THSD7B: variants seen among roughly 807,000 people sequenced by gnomAD.
THSD7B encodes thrombospondin type-1 domain-containing protein 7B.
A neutral mutation model predicts 213.6 loss-of-function variants in THSD7B; 138 were observed. The observed-to-expected ratio is 0.65, with a 90% CI of 0.56 to 0.74. The LOEUF is 0.74. Among genes scored for constraint, THSD7B ranks in the 30% least tolerant of loss-of-function variants. The probability of loss-of-function intolerance (pLI) is 0.00; values close to 1 mark genes in which losing one functional copy is unlikely to be tolerated. For missense variants in THSD7B, 1,931 were observed against 1,991.5 expected, an observed-to-expected ratio of 0.97 and a Z score of 0.58; for synonymous variants, 742 against 687.0, an observed-to-expected ratio of 1.08 and a Z score of -1.25.
chr2:136,961,014 G>A lies in THSD7B; in HGVS notation c.139+78697G>A, dbSNP rs558997092. 7.6e-5 allele frequency among the ~76,000 whole-genome samples: 11 copies of A among 144,472 alleles called. No homozygotes were observed. The East Asian group carries it at 1.1e-3, about 14-fold the overall frequency. 94.8% of individuals were successfully genotyped at this position (144,472 alleles called of 152,430 possible). ...TGAGGTAGAAGAATGGCGTGAACCCGGGAGATGGAGCTTGCAGTGAGCCAA... is the reference window on the plus strand; with the variant it reads ...TGAGGTAGAAGAATGGCGTGAACCCAGGAGATGGAGCTTGCAGTGAGCCAA... On this transcript the variant is annotated intron_variant, in intron 2 of 27. Transcript: ENST00000409968.
At chr2:136,965,331 A>G (rs939801627) in intron 2 of THSD7B, among the ~76,000 whole-genome samples, 1 of 152,202 alleles carries the variant, frequency 6.6e-6, no homozygotes, top group Admixed American at 6.5e-5. Context: ...AACAAATAAC[A>G]CATATGGTGA....
At chr2:137,192,864 A>G (rs545270701) in intron 7 of THSD7B, among the ~76,000 whole-genome samples, 1 of 152,302 alleles carries the variant, frequency 6.6e-6, no homozygotes, top group South Asian at 2.1e-4. Context: ...AGCCATAGGA[A>G]ATGCTGAGTG....
intron 15 of THSD7B, among the ~76,000 whole-genome samples, chr2:137,455,146 A>G (rs745702824): frequency 1.3e-5 from 2 of 152,150 alleles, no homozygotes; most frequent in Non-Finnish European, 2.9e-5. Flanking sequence ...CTACTTTTGC[A>G]ACTCATTCCA....
chr2:136,783,880 T>A (rs976086014), intron 1 of THSD7B, among the ~76,000 whole-genome samples: 3 of 152,230 alleles, frequency 2.0e-5, no homozygotes, highest in Non-Finnish European at 4.4e-5. Flanking sequence ...TGAATCAGTT[T>A]GTGAGAGTCT....
At chr2:137,472,684 C>T (rs1558807880) in intron 15 of THSD7B, among the ~76,000 whole-genome samples, 1 of 152,120 alleles carries the variant, frequency 6.6e-6, no homozygotes, top group Non-Finnish European at 1.5e-5. Flanking sequence ...TTATAGTAGA[C>T]CATTTAGGTA....
At chr2:137,477,407 T>C (rs1688215922) in intron 15 of THSD7B, among the ~76,000 whole-genome samples, 1 of 152,138 alleles carries the variant, frequency 6.6e-6, no homozygotes, top group Non-Finnish European at 1.5e-5. Flanking sequence ...ACAGGTAACA[T>C]GAATTTCTTA....
intron 1 of THSD7B, among the ~76,000 whole-genome samples, chr2:136,785,083 C>T (rs574728082): frequency 2.0e-5 from 3 of 152,276 alleles, no homozygotes; most frequent in African/African-American, 7.2e-5. Flanking sequence ...GCTTCTGGCC[C>T]GCAGGAGTCT....
chr2:137,508,402 A>C (rs1271715340), intron 15 of THSD7B, among the ~76,000 whole-genome samples: 2 of 131,364 alleles, frequency 1.5e-5, no homozygotes, highest in African/African-American at 6.0e-5. Context: ...TTTTTGAGAC[A>C]GTCTCGCTGT....
chr2:137,336,821 A>G (rs1684648966), intron 12 of THSD7B, among the ~76,000 whole-genome samples: 1 of 152,156 alleles, frequency 6.6e-6, no homozygotes, highest in South Asian at 2.1e-4. Context: ...AAAGTATTCA[A>G]AAATAAGCAT....
At chr2:137,020,584 T>C (rs1389974179) in intron 2 of THSD7B, among the ~76,000 whole-genome samples, 1 of 152,164 alleles carries the variant, frequency 6.6e-6, no homozygotes, top group Non-Finnish European at 1.5e-5. Context: ...ATAGCAGTTA[T>C]GGCAGAGAGG....
intron 2 of THSD7B, among the ~76,000 whole-genome samples, chr2:137,008,422 T>A (rs779172457): frequency 6.6e-6 from 1 of 152,156 alleles, no homozygotes; most frequent in Non-Finnish European, 1.5e-5. Context: ...AAGGGTGCAT[T>A]GTGTCTTTAG....
chr2:137,505,566 G>A (rs1172338409), intron 15 of THSD7B, among the ~76,000 whole-genome samples: 2 of 152,218 alleles, frequency 1.3e-5, no homozygotes, highest in African/African-American at 4.8e-5. Flanking sequence ...TGTGCCACGT[G>A]ATCATGCCTG....
intron 15 of THSD7B, among the ~76,000 whole-genome samples, chr2:137,523,297 A>G (rs995108125): frequency 6.6e-6 from 1 of 152,166 alleles, no homozygotes; most frequent in Non-Finnish European, 1.5e-5. Context: ...TGCAATTTTC[A>G]CATTTCCAAG....
At chr2:137,029,776 T>G (rs1340317158) in intron 2 of THSD7B, among the ~76,000 whole-genome samples, 1 of 152,182 alleles carries the variant, frequency 6.6e-6, no homozygotes, top group Admixed American at 6.5e-5. Flanking sequence ...TATATCATTA[T>G]GCCGTGATTT....
chr2:137,663,971 C>T (rs1573774613), intron 26 of THSD7B, among the ~76,000 whole-genome samples: 1 of 152,188 alleles, frequency 6.6e-6, no homozygotes, highest in Admixed American at 6.5e-5. Context: ...CCTGCCATAG[C>T]CTCCAGAGTA....
At chr2:137,373,045 G>A (rs55932716) in intron 12 of THSD7B, among the ~76,000 whole-genome samples, 35,283 of 151,648 alleles carry the variant, frequency 0.23, 4,598 homozygotes, top group South Asian at 0.3. Context: ...TTTTATGGCT[G>A]CATAGTATTC....
chr2:137,608,457 C>G (rs895526649), intron 17 of THSD7B, among the ~76,000 whole-genome samples: 2 of 151,998 alleles, frequency 1.3e-5, no homozygotes, highest in Non-Finnish European at 2.9e-5. Context: ...CAAATTAGAC[C>G]TCCCAGATTG....
At chr2:136,818,992 ACCACTGCCTTT>A (rs1200959955) in intron 1 of THSD7B, among the ~76,000 whole-genome samples, 1 of 152,214 alleles carries the variant, frequency 6.6e-6, no homozygotes, top group Non-Finnish European at 1.5e-5. Flanking sequence ...GAACATGAAA[ACCACTGCCTTT>A]ACTCTTTCAA....
chr2:137,490,766 T>G (rs902582158), intron 15 of THSD7B, among the ~76,000 whole-genome samples: 1 of 152,216 alleles, frequency 6.6e-6, no homozygotes, highest in Non-Finnish European at 1.5e-5. Flanking sequence ...TACTAGGGTC[T>G]GAGGGTCCCA....
Sources: gnomAD v4.1 joint callset for allele counts (sites outside exome capture counted in the v4.1 genomes callset) on GRCh38, gnomAD v4.1.1 for gene constraint, MANE v1.5 for transcripts, NCBI Gene and HGNC (gene_info 2026-07-23, HGNC 2026-07-21) for gene names.